The following UBN2 variants were observed in gnomAD, a reference collection of about 807,000 sequenced individuals.
UBN2 encodes ubinuclein-2.
Under a neutral mutation model 120.2 loss-of-function variants are expected in UBN2, and 35 were observed. The observed-to-expected ratio is 0.29, with a 90% CI of 0.22 to 0.39. The LOEUF (loss-of-function observed/expected upper bound fraction) is 0.39, where lower values mean the gene tolerates loss of function less well. Among genes scored for constraint, UBN2 ranks in the 10% least tolerant of loss-of-function variants. The pLI, the probability that UBN2 is intolerant of heterozygous loss-of-function variation, is 1.00. For synonymous variants in UBN2, 661 were observed against 648.7 expected (o/e 1.02, Z -0.29); for missense variants, 1,693 against 1,663.2 (o/e 1.02, Z -0.31).
At chr7:139,315,183 G>A in the UBN2 span, 1 of 151,310 alleles carries the variant, frequency 6.6e-6, no homozygotes, top group Admixed American at 6.6e-5. Flanking sequence ...CACTGTGTTA[G>A]CCAGGATGGT....
chr7:139,281,414 T>C (rs1007687786), intron 13 of UBN2, among the ~76,000 whole-genome samples: 6 of 152,170 alleles, frequency 3.9e-5, no homozygotes, highest in African/African-American at 1.4e-4. Flanking sequence ...AAATTTCTCC[T>C]CAGTCAGAGA....
Position 139,293,875 on chromosome 7 carries a change from T to C in UBN2, c.3902-14T>C. The stretch of plus-strand genomic sequence containing the variant: ...TGGATTTAAAGATGACTGACAAGTC[T>C]GTTTTCCTCTCAGATTTACTAAAGG... On this transcript the variant is annotated splice_polypyrimidine_tract_variant and intron_variant, in intron 16 of 17. Coordinates refer to ENST00000473989, the MANE Select transcript of UBN2 (RefSeq NM_173569.4). The C allele has an allele frequency of 1.2e-6, 2 of 1,612,498 alleles. No homozygotes were observed. Among genetic ancestry groups the C allele is most frequent in the Non-Finnish European group, 1.7e-6 (2 of 1,178,516 alleles).
chr7:139,248,290 T>TGGAAGAGGC (rs571013363), intron 2 of UBN2, among the ~76,000 whole-genome samples: 60 of 152,288 alleles, frequency 3.9e-4, no homozygotes, highest in African/African-American at 1.4e-3. Flanking sequence ...TTGGAAATCA[T>TGGAAGAGGC]GGAAGAGGCA....
chr7:139,252,179 T>C (rs1584995520), intron 3 of UBN2, 122 bp downstream of exon 3: 1 of 733,754 alleles, frequency 1.4e-6, no homozygotes, highest in African/African-American at 1.8e-5. Flanking sequence ...AAAGCCATGT[T>C]CACTACTTAA....
chr7:139,289,781 A>G (rs1291812466), intron 15 of UBN2, among the ~76,000 whole-genome samples: 1 of 152,088 alleles, frequency 6.6e-6, no homozygotes, highest in Non-Finnish European at 1.5e-5. Context: ...TCCTTTTATT[A>G]ACAGTATTTA....
chr7:139,277,714 A>G (rs1201854722), intron 12 of UBN2: 2 of 152,150 alleles, frequency 1.3e-5, no homozygotes, highest in Non-Finnish European at 2.9e-5. Context: ...GTACATACGT[A>G]TATGTTTGTG....
At chr7:139,328,058 T>G in the UBN2 span, among the ~76,000 whole-genome samples, 1 of 152,236 alleles carries the variant, frequency 6.6e-6, no homozygotes, top group African/African-American at 2.4e-5. Context: ...CTGTTGACTC[T>G]GAAAGTGTCA....
At chr7:139,243,405 CTT>C (rs767612127) in intron 2 of UBN2, among the ~76,000 whole-genome samples, 2 of 151,996 alleles carry the variant, frequency 1.3e-5, no homozygotes, top group Non-Finnish European at 2.9e-5. Context: ...TCAAGTAAGA[CTT>C]TGATTCTGTT....
downstream of UBN2, among the ~76,000 whole-genome samples, chr7:139,309,020 T>G (rs745474274): frequency 2.6e-5 from 4 of 152,084 alleles, no homozygotes; most frequent in Non-Finnish European, 2.9e-5. Flanking sequence ...TGAGCCGAGA[T>G]TGCACCACTG....
the UBN2 span, among the ~76,000 whole-genome samples, chr7:139,328,069 G>A: frequency 3.3e-5 from 5 of 152,208 alleles, no homozygotes; most frequent in African/African-American, 4.8e-5. Flanking sequence ...GAAAGTGTCA[G>A]GATTCCAGCT....
chr7:139,250,130 A>G (rs1306434203), intron 2 of UBN2, among the ~76,000 whole-genome samples: 3 of 152,128 alleles, frequency 2.0e-5, no homozygotes, highest in African/African-American at 4.8e-5. Flanking sequence ...AGTCCTGGCT[A>G]CTTGGGAGTG....
intron 17 of UBN2, among the ~76,000 whole-genome samples, chr7:139,295,512 C>T (rs1326344109): frequency 6.6e-6 from 1 of 152,188 alleles, no homozygotes; most frequent in Non-Finnish European, 1.5e-5. Flanking sequence ...CTCAAAAAGA[C>T]CCCAGTGTTC....
chr7:139,283,198 C>T lies in UBN2; in HGVS notation c.2293C>T (p.Pro765Ser), dbSNP rs199951145. ...AGATGAAGACCTTTCTTTCCATTCA[C>T]CTTCACTGGATCTTGTTTCTGAAGC... is the stretch of plus-strand genomic sequence containing the variant. ...SLDEDLSFHS[P>S]SLDLVSEALA... Residue 765 changes from proline (P) to serine (S), a missense_variant, in exon 15 of 18, where the codon CCT (proline) becomes TCT (serine). Physicochemically the swap from Pro to Ser is moderately conservative, Grantham distance 74. Transcript: ENST00000473989. The T allele has an allele frequency of 4.2e-5, 67 of 1,612,730 alleles. No homozygotes were observed. The African/African-American group carries it at 8.2e-4, about 20-fold the overall frequency.
rs948595911 is a variant in UBN2, at chr7:139,275,595, C to A, written c.1974-502C>A. ...GAGACTCTGTCTCAAAAAAAAAAAACGAGTTAAGTAAAAATTAATAAACTT... is the reference window on the plus strand; with the variant it reads ...GAGACTCTGTCTCAAAAAAAAAAAAAGAGTTAAGTAAAAATTAATAAACTT... On this transcript the variant is annotated intron_variant, in intron 11 of 17. Coordinates refer to ENST00000473989, the MANE Select transcript of UBN2 (RefSeq NM_173569.4). 4.0e-5 allele frequency among the ~76,000 whole-genome samples: 6 copies of A among 150,754 alleles called. No homozygotes were observed. In the East Asian group the frequency reaches 1.2e-3, roughly 29 times the overall value.
At chr7:139,318,126 C>T in the UBN2 span, among the ~76,000 whole-genome samples, 111 of 152,178 alleles carry the variant, frequency 7.3e-4, no homozygotes, top group African/African-American at 2.4e-3. Context: ...TGTTCCATTC[C>T]GGTTTGTGTA....
At chr7:139,289,484 CTCACTGCAGCTTCCGCCTCTAGGGT>C (rs1797886576) in intron 15 of UBN2, among the ~76,000 whole-genome samples, 1 of 147,206 alleles carries the variant, frequency 6.8e-6, no homozygotes, top group Admixed American at 7.1e-5. Flanking sequence ...GCAATCTTGG[CTCACTGCAGCTTCCGCCTCTAGGGT>C]TCAAGCAGCT....
chr7:139,301,291 G>T lies in UBN2; in HGVS notation c.*3455G>T, dbSNP rs1466673132. On this transcript the variant is annotated 3_prime_UTR_variant, in exon 18 of 18. Transcript: ENST00000473989. ...TTTTTTCCCAAAGCAGATCTAAATT[G>T]TTTACTACCCAGGGTTGGAAAGGGC... 3.3e-5 allele frequency: 5 copies of T among 152,086 alleles called. No individual in the cohort carries two copies. The highest frequency in any genetic ancestry group is 1.2e-4 in the African/African-American group (5 of 41,404). 9.4% of individuals were successfully genotyped at this position (152,086 alleles called of 1,614,324 possible). A position where few individuals can be genotyped will look rare whatever the true frequency, so the allele number is the denominator to read the frequency against.
rs1491576703 is a variant in UBN2, at chr7:139,239,552, T to TTC, written c.561+2456_561+2457insCT. Among the ~76,000 whole-genome samples, 3 of 86,564 alleles carry TTC rather than the reference T, an allele frequency of 3.5e-5. No homozygotes were observed. The East Asian group carries it at 8.4e-4, about 24-fold the overall frequency. 56.8% of individuals were successfully genotyped at this position (86,564 alleles called of 152,430 possible). On this transcript the variant is annotated intron_variant, in intron 2 of 17. Coordinates refer to ENST00000473989, the MANE Select transcript of UBN2 (RefSeq NM_173569.4). ...CCCTCCATCACTATATTAGAGTGTC[T>TTC]TTTTTTTTTTTTTTTTTTTTTTGAG... is the stretch of plus-strand genomic sequence containing the variant.
intron 6 of UBN2, among the ~76,000 whole-genome samples, chr7:139,261,972 A>T (rs1585003837): frequency 7.4e-6 from 1 of 135,894 alleles, no homozygotes; most frequent in African/African-American, 2.8e-5. Context: ...TTTAGTAGAG[A>T]CGGGGTTTCA....
Sources: allele counts gnomAD v4.1 joint callset (sites outside exome capture counted in the v4.1 genomes callset), GRCh38; gene constraint gnomAD v4.1.1; transcripts MANE v1.5; gene names NCBI Gene and HGNC (gene_info 2026-07-23, HGNC 2026-07-21).